Variants in SLC30A8 observed in about 807,000 individuals in gnomAD.
SLC30A8 encodes the protein proton-coupled zinc antiporter SLC30A8.
SLC30A8 carries 27 observed loss-of-function variants against 36.9 expected under a neutral mutation model. The observed-to-expected ratio is 0.73, with a 90% confidence interval of 0.54 to 1.01. The LOEUF (loss-of-function observed/expected upper bound fraction) is 1.01. SLC30A8 is among the 50% of genes least tolerant of loss of function. The pLI is 0.00. For missense variants in SLC30A8, 439 were observed against 452.0 expected (o/e 0.97, Z 0.26); for synonymous variants, 164 against 172.4 (o/e 0.95, Z 0.38).
chr8:117,060,578 T>A (rs570631200), intron 2 of SLC30A8, among the ~76,000 whole-genome samples: 84 of 152,312 alleles, frequency 5.5e-4, no homozygotes, highest in African/African-American at 1.8e-3. Flanking sequence ...TTATCAGTGT[T>A]CCAGAGAGAA....
intron 1 of SLC30A8, among the ~76,000 whole-genome samples, chr8:117,002,113 A>G (rs1242767777): frequency 6.6e-6 from 1 of 152,218 alleles, no homozygotes; most frequent in Non-Finnish European, 1.5e-5. Context: ...GGTTCAGTGC[A>G]TCAAAAATTC....
intron 1 of SLC30A8, among the ~76,000 whole-genome samples, chr8:116,988,980 A>G (rs1218194018): frequency 2.6e-5 from 4 of 152,230 alleles, no homozygotes; most frequent in Non-Finnish European, 4.4e-5. Flanking sequence ...ATACTATGCT[A>G]TGAACCTCTG....
chr8:116,984,633 C>G (rs1273697141), intron 1 of SLC30A8, among the ~76,000 whole-genome samples: 1 of 152,088 alleles, frequency 6.6e-6, no homozygotes, highest in African/African-American at 2.4e-5. Context: ...TGCTCACTTT[C>G]TAATTGGGTT....
intron 2 of SLC30A8, among the ~76,000 whole-genome samples, chr8:117,084,065 C>T (rs555916304): frequency 8.6e-4 from 131 of 152,232 alleles, no homozygotes; most frequent in African/African-American, 2.9e-3. Flanking sequence ...ATATTTTTGA[C>T]TATAATTTTC....
chr8:116,983,961 T>C (rs1815358611), intron 1 of SLC30A8, among the ~76,000 whole-genome samples: 2 of 152,196 alleles, frequency 1.3e-5, no homozygotes, highest in Non-Finnish European at 2.9e-5. Context: ...CACAGGCTCC[T>C]GTACTGATCC....
intron 2 of SLC30A8, among the ~76,000 whole-genome samples, chr8:117,085,912 C>A (rs1818860311): frequency 6.6e-6 from 1 of 151,996 alleles, no homozygotes; most frequent in Non-Finnish European, 1.5e-5. Context: ...ATTTGTTGGG[C>A]AAGTATGAAG....
At chr8:117,036,614 G>A (rs115584404) in intron 1 of SLC30A8, among the ~76,000 whole-genome samples, 1,546 of 152,316 alleles carry the variant, frequency 0.01, 23 homozygotes, top group African/African-American at 0.034. Context: ...CGACAGGCAA[G>A]AGAGGAAGTG....
At chr8:116,977,141 CTTTTT>C (rs71305451) in intron 1 of SLC30A8, among the ~76,000 whole-genome samples, 2,439 of 58,974 alleles carry the variant, frequency 0.041, 85 homozygotes, top group African/African-American at 0.17. Context: ...CTTTTTCTTG[CTTTTT>C]TTTTTTTTTT....
At chr8:117,167,399 T>TTGAC (rs1823111543) in intron 6 of SLC30A8, among the ~76,000 whole-genome samples, 1 of 152,066 alleles carries the variant, frequency 6.6e-6, no homozygotes, top group African/African-American at 2.4e-5. Flanking sequence ...AATTCCGTCT[T>TTGAC]TGACTTCTCA....
intron 1 of SLC30A8, among the ~76,000 whole-genome samples, chr8:116,991,074 T>G (rs1174922604): frequency 1.3e-5 from 2 of 152,106 alleles, no homozygotes; most frequent in South Asian, 4.2e-4. Context: ...ACTTGCTTAG[T>G]TATTATTTGC....
chr8:116,998,934 C>T (rs1459714481), intron 1 of SLC30A8, among the ~76,000 whole-genome samples: 2 of 152,164 alleles, frequency 1.3e-5, no homozygotes, highest in African/African-American at 2.4e-5. Flanking sequence ...TCTTAAGCCA[C>T]GAGGCTTGTG....
chr8:117,045,918 G>GT (rs112616300), intron 2 of SLC30A8, among the ~76,000 whole-genome samples: 1,934 of 140,482 alleles, frequency 0.014, 39 homozygotes, highest in East Asian at 0.09. Flanking sequence ...TGGGCAGACT[G>GT]TTTTTTTTTT....
intron 2 of SLC30A8, among the ~76,000 whole-genome samples, chr8:117,152,275 G>T (rs980988910): frequency 6.6e-6 from 1 of 152,118 alleles, no homozygotes; most frequent in Non-Finnish European, 1.5e-5. Context: ...CTCAAAGGAG[G>T]ATTAGAGGGA....
At chr8:117,095,821 A>G (rs1218739145) in intron 2 of SLC30A8, among the ~76,000 whole-genome samples, 2 of 152,242 alleles carry the variant, frequency 1.3e-5, no homozygotes, top group African/African-American at 4.8e-5. Flanking sequence ...AGTTAGAGGC[A>G]CATAAGTTTT....
chr8:117,072,316 CA>C, intron 2 of SLC30A8, among the ~76,000 whole-genome samples: 1 of 152,148 alleles, frequency 6.6e-6, no homozygotes, highest in East Asian at 1.9e-4. Flanking sequence ...AGAGTGAATT[CA>C]AGTATATATC....
intron 1 of SLC30A8, among the ~76,000 whole-genome samples, chr8:116,958,938 C>A (rs973266780): frequency 6.7e-6 from 1 of 149,718 alleles, no homozygotes; most frequent in East Asian, 2.0e-4. Context: ...CCACCTCCGC[C>A]TCTCGGGTTC....
chr8:116,963,144 T>C (rs1199971919), intron 1 of SLC30A8, among the ~76,000 whole-genome samples: 3 of 152,160 alleles, frequency 2.0e-5, no homozygotes, highest in Non-Finnish European at 1.5e-5. Context: ...TTGTGGAAAT[T>C]ACTTAAATTG....
intron 1 of SLC30A8, among the ~76,000 whole-genome samples, chr8:116,994,400 G>A (rs1163884335): frequency 6.6e-6 from 1 of 152,024 alleles, no homozygotes; most frequent in Non-Finnish European, 1.5e-5. Flanking sequence ...CAGATGTTCA[G>A]GCAGTGTCAA....
intron 1 of SLC30A8, among the ~76,000 whole-genome samples, chr8:117,143,386 G>A (rs1821747901): frequency 1.3e-5 from 2 of 152,052 alleles, no homozygotes; most frequent in South Asian, 4.1e-4. Flanking sequence ...ATATTTGAAT[G>A]CATGGGAATC....
Sources: allele counts gnomAD v4.1 joint callset (sites outside exome capture counted in the v4.1 genomes callset), GRCh38; gene constraint gnomAD v4.1.1; transcripts MANE v1.5; gene names NCBI Gene and HGNC (gene_info 2026-07-23, HGNC 2026-07-21).